The following MGA variants were observed in gnomAD, a reference collection of about 807,000 sequenced individuals.
MGA encodes the protein MAX gene-associated protein.
A neutral mutation model predicts 261.1 loss-of-function variants in MGA; 40 were observed. The ratio of observed to expected loss-of-function variants is 0.15; its 90% CI spans 0.12 to 0.20. The LOEUF is 0.20. Among genes scored for constraint, MGA ranks in the 10% least tolerant of loss-of-function variants. The probability of loss-of-function intolerance (pLI) is 1.00; values close to 1 mark genes in which losing one functional copy is unlikely to be tolerated. For missense variants in MGA, 3,397 were observed against 3,630.5 expected, an observed-to-expected ratio of 0.94 and a Z score of 1.65; for synonymous variants, 1,302 against 1,290.6, an observed-to-expected ratio of 1.01 and a Z score of -0.19.
At chr15:41,700,861 A>G (rs898333950) in intron 5 of MGA, among the ~76,000 whole-genome samples, 11 of 152,216 alleles carry the variant, frequency 7.2e-5, no homozygotes, top group Non-Finnish European at 1.5e-4. Flanking sequence ...TATTTACACT[A>G]TAAGTAGTTC....
At chr15:41,646,560 T>C (rs1015839124) in intron 1 of MGA, among the ~76,000 whole-genome samples, 1 of 151,916 alleles carries the variant, frequency 6.6e-6, no homozygotes, top group African/African-American at 2.4e-5. Flanking sequence ...TGGCCTCAAG[T>C]GATCCACCCA....
chr15:41,761,646 A>T, intron 20 of MGA, 93 bp from the exon 21 acceptor site: 1 of 631,246 alleles, frequency 1.6e-6, no homozygotes, highest in Non-Finnish European at 2.6e-6. Context: ...ATGTCAGATT[A>T]AGTTTTTTTT....
At chr15:41,742,427 G>A in intron 14 of MGA, 119 bp from the exon 15 acceptor site, 2 of 1,176,890 alleles carry the variant, frequency 1.7e-6, no homozygotes, top group Non-Finnish European at 2.4e-6. Context: ...AATAATACAG[G>A]TAGGTAGTAC....
At chr15:41,637,421 T>C (rs1002082679) in intron 1 of MGA, among the ~76,000 whole-genome samples, 8 of 152,204 alleles carry the variant, frequency 5.3e-5, no homozygotes, top group African/African-American at 1.9e-4. Context: ...GTATATTACT[T>C]GATCTCATAG....
intron 15 of MGA, among the ~76,000 whole-genome samples, chr15:41,744,110 C>G (rs2062285826): frequency 6.6e-6 from 1 of 151,988 alleles, no homozygotes; most frequent in African/African-American, 2.4e-5. Context: ...TCCTCTCTGT[C>G]TTTTATGGAA....
chr15:41,692,536 C>G (rs181875745), intron 2 of MGA, among the ~76,000 whole-genome samples: 3 of 152,282 alleles, frequency 2.0e-5, no homozygotes, highest in African/African-American at 7.2e-5. Flanking sequence ...TCTCCGGTCA[C>G]CTAGAGAAGG....
intron 1 of MGA, among the ~76,000 whole-genome samples, chr15:41,630,159 T>C (rs186668682): frequency 6.6e-6 from 1 of 152,190 alleles, no homozygotes; most frequent in Non-Finnish European, 1.5e-5. Flanking sequence ...TGCTTGGCTC[T>C]TTTATAACCC....
chr15:41,633,817 C>A (rs891309195), intron 1 of MGA, among the ~76,000 whole-genome samples: 4 of 152,158 alleles, frequency 2.6e-5, no homozygotes, highest in African/African-American at 9.7e-5. Flanking sequence ...CTGCTCAAAA[C>A]CTTACAGTGA....
At chr15:41,699,605 C>T (rs942935690) in intron 5 of MGA, among the ~76,000 whole-genome samples, 1 of 152,112 alleles carries the variant, frequency 6.6e-6, no homozygotes, top group Non-Finnish European at 1.5e-5. Flanking sequence ...GGGTTCATGC[C>T]ATTCTCCTGC....
At chr15:41,765,154 T>A (rs1348336383) in intron 23 of MGA, 92 bp downstream of exon 23, 23 of 1,391,498 alleles carry the variant, frequency 1.7e-5, no homozygotes, top group Non-Finnish European at 2.2e-5. Context: ...TGTTCTGTAA[T>A]GATAAAGAGC....
At chr15:41,625,739 A>T (rs529518511) in intron 1 of MGA, among the ~76,000 whole-genome samples, 2 of 152,250 alleles carry the variant, frequency 1.3e-5, no homozygotes, top group South Asian at 4.1e-4. Context: ...ATAAAAATAA[A>T]TAAATACGGT....
At chr15:41,759,381 C>G (rs1183097881) in intron 19 of MGA, among the ~76,000 whole-genome samples, 3 of 151,008 alleles carry the variant, frequency 2.0e-5, no homozygotes, top group African/African-American at 7.3e-5. Context: ...GTGATTGTTT[C>G]TGAGGATCCA....
upstream of MGA, among the ~76,000 whole-genome samples, chr15:41,655,711 C>T (rs1448739224): frequency 6.6e-6 from 1 of 152,140 alleles, no homozygotes; most frequent in Non-Finnish European, 1.5e-5. Context: ...TTTGTATCTC[C>T]TCAAGTGTCT....
intron 19 of MGA, 77 bp from the exon 20 acceptor site, chr15:41,760,246 G>A: frequency 7.3e-7 from 1 of 1,374,314 alleles, no homozygotes; most frequent in South Asian, 1.2e-5. Flanking sequence ...GCCTGAAATA[G>A]GGCAGTGTCA....
chr15:41,629,070 C>T (rs1269317230), intron 1 of MGA, among the ~76,000 whole-genome samples: 1 of 144,478 alleles, frequency 6.9e-6, no homozygotes, highest in Non-Finnish European at 1.5e-5. Flanking sequence ...AGTGCCACTG[C>T]ACTCCAGCCT....
intron 12 of MGA, among the ~76,000 whole-genome samples, chr15:41,735,787 C>G (rs2061747295): frequency 1.3e-5 from 2 of 151,954 alleles, no homozygotes; most frequent in Admixed American, 6.6e-5. Context: ...TGGATTGACT[C>G]TAATCTGTAC....
chr15:41,686,023 T>A (rs867624027), intron 2 of MGA, among the ~76,000 whole-genome samples: 4,494 of 147,366 alleles, frequency 0.03, 131 homozygotes, highest in South Asian at 0.067. Flanking sequence ...AAAAAAATAA[T>A]AATAATAATT....
At chr15:41,693,597 G>A (rs955940799) in intron 2 of MGA, among the ~76,000 whole-genome samples, 1 of 152,078 alleles carries the variant, frequency 6.6e-6, no homozygotes, top group African/African-American at 2.4e-5. Flanking sequence ...GAAAAAAATA[G>A]TACTTCATTA....
chr15:41,634,513 G>A (rs1361031619), intron 1 of MGA, among the ~76,000 whole-genome samples: 1 of 152,188 alleles, frequency 6.6e-6, no homozygotes, highest in East Asian at 1.9e-4. Flanking sequence ...GTATGTGTGT[G>A]TGTATGTATG....
Sources: gnomAD v4.1 joint callset for allele counts (sites outside exome capture counted in the v4.1 genomes callset) on GRCh38, gnomAD v4.1.1 for gene constraint, MANE v1.5 for transcripts, NCBI Gene and HGNC (gene_info 2026-07-23, HGNC 2026-07-21) for gene names.